MAPK4: variants seen among roughly 807,000 people sequenced by gnomAD.
The protein encoded by MAPK4 is Erk3-related.
Under a neutral mutation model 47.7 loss-of-function variants are expected in MAPK4, and 22 were observed. The ratio of observed to expected loss-of-function variants is 0.46; its 90% CI spans 0.33 to 0.66. The LOEUF (loss-of-function observed/expected upper bound fraction) is 0.66. Among genes scored for constraint, MAPK4 ranks in the 30% least tolerant of loss-of-function variants. The probability of loss-of-function intolerance (pLI) is 0.02; values close to 1 mark genes in which losing one functional copy is unlikely to be tolerated. For synonymous variants in MAPK4, 390 were observed against 365.7 expected (o/e 1.07, Z -0.76); for missense variants, 736 against 831.7 (o/e 0.88, Z 1.42).
chr18:50,721,894 G>T, intron 3 of MAPK4, 44 bp from the exon 4 acceptor site: 1 of 1,608,206 alleles, frequency 6.2e-7, no homozygotes. Flanking sequence ...GCACACCACA[G>T]CCCCTTGGAC....
chr18:50,577,550 C>A (rs561816442), intron 1 of MAPK4, among the ~76,000 whole-genome samples: 2 of 152,236 alleles, frequency 1.3e-5, no homozygotes, highest in African/African-American at 4.8e-5. Context: ...AGATTGCAAT[C>A]CCCTGTGTTA....
At chr18:50,612,233 A>C (rs2042643795) in intron 1 of MAPK4, among the ~76,000 whole-genome samples, 1 of 152,218 alleles carries the variant, frequency 6.6e-6, no homozygotes, top group Admixed American at 6.5e-5. Flanking sequence ...GAGAGACTGG[A>C]TACAAGTTCA....
At position 50,638,626 on chromosome 18, in the gene MAPK4, G is replaced by C. The variant is rs148155045; in HGVS notation, c.-870-24463G>C. ...GGGAGTTGAAACCTAAGTCAGCACT[G>C]TTGCATTAATGCAGTTGTTCTAGCA... On this transcript the variant is annotated intron_variant, in intron 1 of 5. Coordinates refer to ENST00000400384, the MANE Select transcript of MAPK4 (RefSeq NM_002747.4). Among the ~76,000 whole-genome samples, 891 of 152,328 alleles carry C rather than the reference G, an allele frequency of 5.8e-3. 7 individuals are homozygous for C. The highest frequency in any genetic ancestry group is 0.02 in the African/African-American group (815 of 41,568).
chr18:50,709,802 A>G (rs1391812587), intron 2 of MAPK4, among the ~76,000 whole-genome samples: 2 of 152,232 alleles, frequency 1.3e-5, no homozygotes, highest in African/African-American at 4.8e-5. Context: ...AAATTCATGT[A>G]AAATACTAAC....
chr18:50,595,912 C>T (rs532461121), intron 1 of MAPK4, among the ~76,000 whole-genome samples: 22 of 152,034 alleles, frequency 1.4e-4, no homozygotes, highest in South Asian at 1.3e-3. Context: ...TCTTTTTAGA[C>T]GTGAATTACT....
At chr18:50,688,889 T>TAAAAAA (rs35330620) in intron 2 of MAPK4, among the ~76,000 whole-genome samples, 90 of 115,210 alleles carry the variant, frequency 7.8e-4, no homozygotes, top group Non-Finnish European at 9.0e-4. Flanking sequence ...CCTATGGAAA[T>TAAAAAA]AAAAAAAAAA....
chr18:50,580,189 G>A (rs1297819819), intron 1 of MAPK4, among the ~76,000 whole-genome samples: 1 of 152,178 alleles, frequency 6.6e-6, no homozygotes, highest in South Asian at 2.1e-4. Context: ...TGGAGGAGGA[G>A]GAGGCAGGGG....
chr18:50,637,461 C>G (rs1005759084), intron 1 of MAPK4, among the ~76,000 whole-genome samples: 2 of 152,144 alleles, frequency 1.3e-5, no homozygotes, highest in East Asian at 1.9e-4. Flanking sequence ...ACTCAAAACC[C>G]CTCACTCTTA....
At position 50,719,046 on chromosome 18, in the gene MAPK4, T is replaced by C. The variant is rs369825035; in HGVS notation, c.692-2892T>C. On this transcript the variant is annotated intron_variant, in intron 3 of 5. Coordinates refer to ENST00000400384, the MANE Select transcript of MAPK4 (RefSeq NM_002747.4). ...TTCCAGTGAGCCGAGATCGTGCCAC[T>C]GCACTCCAGCCTGGGCGACAGAGCA... Among the ~76,000 whole-genome samples the C allele has an allele frequency of 7.2e-3, 1,021 of 140,884 alleles. 13 individuals are homozygous for C. Among genetic ancestry groups the C allele is most frequent in the African/African-American group, 0.025 (938 of 37,328 alleles). The allele number at this position is 140,884 out of a possible 152,430, so 92.4% of individuals were successfully genotyped here.
chr18:50,607,802 G>A (rs2042595076), intron 1 of MAPK4, among the ~76,000 whole-genome samples: 2 of 152,172 alleles, frequency 1.3e-5, no homozygotes, highest in South Asian at 2.1e-4. Context: ...AAGAAACTGT[G>A]CTACTCCCCT....
chr18:50,698,117 C>CA (rs1909604908), intron 2 of MAPK4, among the ~76,000 whole-genome samples: 2 of 152,138 alleles, frequency 1.3e-5, no homozygotes, highest in African/African-American at 4.8e-5. Flanking sequence ...GGCCCTGCCC[C>CA]AAATACTTCT....
At chr18:50,675,173 T>C (rs1048490602) in intron 2 of MAPK4, among the ~76,000 whole-genome samples, 11 of 152,164 alleles carry the variant, frequency 7.2e-5, no homozygotes, top group Non-Finnish European at 1.3e-4. Flanking sequence ...AATGGCAGCG[T>C]TGGACTGCAA....
chr18:50,664,446 T>G lies in MAPK4; in HGVS notation c.488T>G (p.Val163Gly). 6.2e-7 allele frequency: 1 copy of G among 1,613,178 alleles called. No homozygotes were observed. Among genetic ancestry groups the G allele is most frequent in the Non-Finnish European group, 8.5e-7 (1 of 1,179,320 alleles). Reference sequence around the variant, plus strand: ...ATCTTCATCAGCACAGAGGACCTCGTGCTCAAGATTGGGGATTTCGGGTTG... The same window carrying G: ...ATCTTCATCAGCACAGAGGACCTCGGGCTCAAGATTGGGGATTTCGGGTTG... Reference protein sequence around the residue: ...ANIFISTEDLVLKIGDFGLAR... With the variant: ...ANIFISTEDLGLKIGDFGLAR... Residue 163 changes from valine (V) to glycine (G), a missense_variant, in exon 2 of 6, where the codon GTG becomes GGG. Physicochemically the swap from Val to Gly is moderately radical, Grantham distance 109. This residue lies in a region of MAPK4 where 327 missense variants were observed against 395.4 expected (regional missense o/e 0.83). Transcript: ENST00000400384. This position sits in a 1 kb window ranked among gnomAD's most constrained non-coding sequence, Gnocchi z 6.0.
At chr18:50,599,778 G>T (rs1411073381) in intron 1 of MAPK4, among the ~76,000 whole-genome samples, 1 of 152,112 alleles carries the variant, frequency 6.6e-6, no homozygotes, top group African/African-American at 2.4e-5. Flanking sequence ...ATTTAAAACA[G>T]GTTATCTGTG....
chr18:50,692,287 T>C (rs796146696), intron 2 of MAPK4, among the ~76,000 whole-genome samples: 1 of 152,254 alleles, frequency 6.6e-6, no homozygotes, highest in African/African-American at 2.4e-5. Context: ...CTCTCCGCGC[T>C]CTGGAGGGAA....
chr18:50,666,019 C>T (rs779357823), intron 2 of MAPK4, among the ~76,000 whole-genome samples: 4 of 152,166 alleles, frequency 2.6e-5, no homozygotes, highest in Non-Finnish European at 5.9e-5. Context: ...GGTAAAAAAC[C>T]TAGAAAATCC....
At chr18:50,584,520 A>G (rs1163369735) in intron 1 of MAPK4, among the ~76,000 whole-genome samples, 4 of 152,242 alleles carry the variant, frequency 2.6e-5, no homozygotes, top group African/African-American at 9.6e-5. Context: ...ATGAGAGAGT[A>G]TTTGAACTCT....
intron 1 of MAPK4, among the ~76,000 whole-genome samples, chr18:50,565,791 A>G (rs968033337): frequency 2.4e-4 from 36 of 152,352 alleles, no homozygotes; most frequent in African/African-American, 8.2e-4. Flanking sequence ...TCTAGGAGCA[A>G]TAGGCCATAC....
At chr18:50,649,171 T>G (rs552860618) in intron 1 of MAPK4, among the ~76,000 whole-genome samples, 2 of 152,286 alleles carry the variant, frequency 1.3e-5, no homozygotes, top group South Asian at 4.1e-4. Flanking sequence ...CTTGGCTCAG[T>G]CCCGTGTGAG....
Sources: gnomAD v4.1 joint callset for allele counts (sites outside exome capture counted in the v4.1 genomes callset) on GRCh38, gnomAD v4.1.1 for gene constraint, gnomAD v4.1.1 regional missense constraint, Gnocchi (gnomAD v3.1) non-coding constraint, MANE v1.5 for transcripts, NCBI Gene and HGNC (gene_info 2026-07-23, HGNC 2026-07-21) for gene names.